QTMAN: variants seen among roughly 807,000 people sequenced by gnomAD.
The protein encoded by QTMAN is queuosine-tRNA mannosyltransferase, also known as tRNA-queuosine alpha-mannosyltransferase.
At chr2:143,946,447 A>T in the QTMAN span, 1 of 152,576 alleles carries the variant, frequency 6.6e-6, no homozygotes, top group Non-Finnish European at 1.5e-5. Context: ...TAATTTGCTA[A>T]AAGAAAAGTG....
the QTMAN span, chr2:143,940,379 TCA>T: frequency 6.6e-6 from 1 of 152,238 alleles, no homozygotes; most frequent in African/African-American, 2.4e-5. Flanking sequence ...TACTTGATTA[TCA>T]GTTTTCAAAA....
chr2:144,299,856 A>AC, the QTMAN span, among the ~76,000 whole-genome samples: 8 of 152,234 alleles, frequency 5.3e-5, no homozygotes, highest in Non-Finnish European at 1.2e-4. Flanking sequence ...AACAGCCAAA[A>AC]AGTAGAAGAG....
At chr2:144,054,339 A>G in the QTMAN span, among the ~76,000 whole-genome samples, 1 of 152,128 alleles carries the variant, frequency 6.6e-6, no homozygotes, top group Non-Finnish European at 1.5e-5. Flanking sequence ...GAGAACTACA[A>G]ACAGAATTCT....
the QTMAN span, among the ~76,000 whole-genome samples, chr2:144,306,384 C>A: frequency 2.6e-5 from 4 of 152,198 alleles, no homozygotes; most frequent in Non-Finnish European, 5.9e-5. Flanking sequence ...ATTTATTTCT[C>A]ACAGTTCTGG....
At chr2:143,996,100 T>C in the QTMAN span, among the ~76,000 whole-genome samples, 1 of 152,102 alleles carries the variant, frequency 6.6e-6, no homozygotes, top group Non-Finnish European at 1.5e-5. Context: ...CTACATTAAA[T>C]GGGTTAAAAA....
the QTMAN span, among the ~76,000 whole-genome samples, chr2:144,022,755 G>T: frequency 6.6e-6 from 1 of 151,714 alleles, no homozygotes. Flanking sequence ...GTAGAAACGG[G>T]ATTTCACCAT....
chr2:144,145,510 G>C, the QTMAN span: 3 of 1,237,010 alleles, frequency 2.4e-6, no homozygotes, highest in African/African-American at 3.0e-5. Flanking sequence ...GATTTAAAAC[G>C]TAACCACCTA....
chr2:144,280,637 A>AC, the QTMAN span, among the ~76,000 whole-genome samples: 5 of 152,218 alleles, frequency 3.3e-5, no homozygotes, highest in South Asian at 6.2e-4. Context: ...CATAAAGTGA[A>AC]TAACTCTACA....
At chr2:144,212,249 G>A in the QTMAN span, among the ~76,000 whole-genome samples, 5 of 152,278 alleles carry the variant, frequency 3.3e-5, no homozygotes, top group East Asian at 5.8e-4. Context: ...GATCACCTGA[G>A]GTCAGGAGTT....
chr2:144,298,260 C>T, the QTMAN span, among the ~76,000 whole-genome samples: 2 of 152,014 alleles, frequency 1.3e-5, no homozygotes, highest in Admixed American at 6.6e-5. Flanking sequence ...CCTCATGATC[C>T]GCCTGCCTTG....
the QTMAN span, among the ~76,000 whole-genome samples, chr2:144,261,863 A>T: frequency 3.2e-3 from 480 of 152,116 alleles, 4 homozygotes; most frequent in Admixed American, 4.3e-3. Context: ...TTATTTATTT[A>T]TTTTTTGCCC....
chr2:144,313,454 G>C, the QTMAN span, among the ~76,000 whole-genome samples: 1 of 152,078 alleles, frequency 6.6e-6, no homozygotes, highest in African/African-American at 2.4e-5. Flanking sequence ...CTCATTTTAA[G>C]CAACTCAATG....
the QTMAN span, among the ~76,000 whole-genome samples, chr2:144,189,228 C>A: frequency 6.6e-6 from 1 of 152,302 alleles, no homozygotes; most frequent in East Asian, 1.9e-4. Context: ...CTCAAGCAAT[C>A]CCCTAGTCTG....
chr2:144,103,636 T>A, the QTMAN span, among the ~76,000 whole-genome samples: 1 of 151,894 alleles, frequency 6.6e-6, no homozygotes, highest in Non-Finnish European at 1.5e-5. Flanking sequence ...CTACCAAAAT[T>A]AAAATAAAAT....
chr2:143,958,092 G>A, the QTMAN span, among the ~76,000 whole-genome samples: 1 of 151,958 alleles, frequency 6.6e-6, no homozygotes, highest in East Asian at 1.9e-4. Flanking sequence ...CCTACCCAAG[G>A]GCAAAGTTCA....
At chr2:144,219,120 C>A in the QTMAN span, among the ~76,000 whole-genome samples, 1 of 152,026 alleles carries the variant, frequency 6.6e-6, no homozygotes, top group East Asian at 1.9e-4. Flanking sequence ...CAGTAACAGA[C>A]CTTTTTTTTA....
At chr2:144,273,653 T>C in the QTMAN span, among the ~76,000 whole-genome samples, 4 of 152,176 alleles carry the variant, frequency 2.6e-5, no homozygotes, top group Non-Finnish European at 5.9e-5. Context: ...ACATAATAGT[T>C]GTGCCTCTAA....
chr2:143,983,631 G>A, the QTMAN span, among the ~76,000 whole-genome samples: 21 of 151,960 alleles, frequency 1.4e-4, no homozygotes, highest in African/African-American at 4.8e-4. Context: ...CTGCCACCAT[G>A]CCCGGCTAAT....
the QTMAN span, among the ~76,000 whole-genome samples, chr2:144,194,989 T>G: frequency 6.6e-6 from 1 of 152,146 alleles, no homozygotes; most frequent in Admixed American, 6.5e-5. Context: ...ACCAGCTTTC[T>G]AAAATATAAG....
Sources: allele counts gnomAD v4.1 joint callset (sites outside exome capture counted in the v4.1 genomes callset), GRCh38; gene constraint gnomAD v4.1.1; transcripts MANE v1.5; gene names NCBI Gene and HGNC (gene_info 2026-07-23, HGNC 2026-07-21).